The following GALNT17 variants were observed in gnomAD, a reference collection of about 807,000 sequenced individuals.
GALNT17 encodes polypeptide N-acetylgalactosaminyltransferase 17, also known as UDP-GalNAc:polypeptide N-acetylgalactosaminyltransferase-like 3.
In GALNT17, 29 loss-of-function variants were observed where a neutral mutation model predicts 63.7. The ratio of observed to expected loss-of-function variants is 0.46; its 90% CI spans 0.34 to 0.62. The LOEUF (loss-of-function observed/expected upper bound fraction) is 0.62, where lower values mean the gene tolerates loss of function less well. Ranked by LOEUF, GALNT17 falls within the 20% of genes least tolerant of loss-of-function variation. The pLI, the probability that GALNT17 is intolerant of heterozygous loss-of-function variation, is 0.01. For synonymous variants in GALNT17, 305 were observed against 318.3 expected (o/e 0.96, Z 0.45); for missense variants, 603 against 799.6 (o/e 0.75, Z 2.97).
intron 1 of GALNT17, among the ~76,000 whole-genome samples, chr7:71,326,106 C>T (rs940748376): frequency 1.3e-5 from 2 of 151,842 alleles, no homozygotes; most frequent in African/African-American, 2.4e-5. Context: ...AATTTTAGAA[C>T]GTTTTATTGT....
intron 5 of GALNT17, among the ~76,000 whole-genome samples, chr7:71,488,570 CCTT>C (rs1563130444): frequency 6.8e-6 from 1 of 146,088 alleles, no homozygotes; most frequent in Non-Finnish European, 1.5e-5. Context: ...CAGGACTTGC[CCTT>C]CTTTTTTTTT....
intron 1 of GALNT17, among the ~76,000 whole-genome samples, chr7:71,241,888 CA>C (rs1356049997): frequency 2.6e-5 from 4 of 151,148 alleles, no homozygotes; most frequent in African/African-American, 2.4e-5. Flanking sequence ...GACCTTATCC[CA>C]AAAAAAAGAA....
intron 7 of GALNT17, among the ~76,000 whole-genome samples, chr7:71,666,469 T>C (rs1052988111): frequency 3.3e-5 from 5 of 151,912 alleles, no homozygotes; most frequent in Non-Finnish European, 4.4e-5. Flanking sequence ...GTAAGTTCTT[T>C]AGTGGTGATT....
chr7:71,621,343 A>C (rs1790285815), intron 6 of GALNT17, among the ~76,000 whole-genome samples: 1 of 152,200 alleles, frequency 6.6e-6, no homozygotes, highest in Non-Finnish European at 1.5e-5. Flanking sequence ...GCTCTCTAAG[A>C]AGAGCATCTA....
intron 1 of GALNT17, among the ~76,000 whole-genome samples, chr7:71,325,274 G>A (rs902498850): frequency 6.6e-6 from 1 of 152,170 alleles, no homozygotes; most frequent in Non-Finnish European, 1.5e-5. Flanking sequence ...TCCCTGAGAC[G>A]CGGACCGGCA....
intron 2 of GALNT17, among the ~76,000 whole-genome samples, chr7:71,363,370 A>T (rs1792442314): frequency 6.6e-6 from 1 of 152,236 alleles, no homozygotes; most frequent in Non-Finnish European, 1.5e-5. Flanking sequence ...TACAGTGGTG[A>T]TTGAGAGGCA....
chr7:71,694,359 A>AT (rs34576267), intron 9 of GALNT17, among the ~76,000 whole-genome samples: 44,861 of 138,388 alleles, frequency 0.32, 7,950 homozygotes, highest in African/African-American at 0.37. Flanking sequence ...AATTATCCCA[A>AT]TTTTTTTTTT....
At chr7:71,227,517 A>G (rs905630387) in intron 1 of GALNT17, among the ~76,000 whole-genome samples, 8 of 151,968 alleles carry the variant, frequency 5.3e-5, no homozygotes, top group Non-Finnish European at 7.4e-5. Flanking sequence ...ATGGACACAC[A>G]ATTTGGATGC....
At chr7:71,140,975 T>C (rs1787877903) in intron 1 of GALNT17, among the ~76,000 whole-genome samples, 2 of 152,054 alleles carry the variant, frequency 1.3e-5, no homozygotes, top group Admixed American at 1.3e-4. Flanking sequence ...GAGCCATGAT[T>C]GCATCACTGC....
At chr7:71,686,111 C>T (rs1391296004) in intron 9 of GALNT17, among the ~76,000 whole-genome samples, 1 of 151,676 alleles carries the variant, frequency 6.6e-6, no homozygotes, top group African/African-American at 2.4e-5. Context: ...CCTGCCACCA[C>T]ACCTGGTTAA....
At position 71,233,372 on chromosome 7, in the gene GALNT17, C is replaced by T. The variant is rs1384758787; in HGVS notation, c.238+100332C>T. Among the ~76,000 whole-genome samples, 6 of 152,158 alleles carry T rather than the reference C, an allele frequency of 3.9e-5. No homozygotes were observed. The East Asian group carries it at 5.8e-4, about 15-fold the overall frequency. On this transcript the variant is annotated intron_variant, in intron 1 of 10. Coordinates refer to ENST00000333538, the MANE Select transcript of GALNT17 (RefSeq NM_022479.3). ...GGATGAGCGCATCCTCCATCAGCAT[C>T]GTGTCTTCTGTTCTGAAGGCTCCCA...
At chr7:71,266,083 G>T (rs1790487215) in intron 1 of GALNT17, among the ~76,000 whole-genome samples, 1 of 151,956 alleles carries the variant, frequency 6.6e-6, no homozygotes, top group Admixed American at 6.6e-5. Flanking sequence ...TGCATCTGTG[G>T]CTGCATCACT....
intron 9 of GALNT17, among the ~76,000 whole-genome samples, chr7:71,704,791 G>A (rs1283476279): frequency 6.6e-6 from 1 of 152,092 alleles, no homozygotes; most frequent in Non-Finnish European, 1.5e-5. Context: ...TTCAGCAATG[G>A]TGCCGGGACA....
intron 1 of GALNT17, among the ~76,000 whole-genome samples, chr7:71,257,137 C>A (rs1790303876): frequency 1.3e-5 from 2 of 152,096 alleles, no homozygotes; most frequent in South Asian, 4.1e-4. Flanking sequence ...GGTTTTAAAA[C>A]CTGGCATTTT....
chr7:71,261,958 G>A (rs953961385), intron 1 of GALNT17, among the ~76,000 whole-genome samples: 9 of 152,100 alleles, frequency 5.9e-5, no homozygotes, highest in African/African-American at 1.7e-4. Context: ...CCCTCTTCCC[G>A]GGAGCCGTGA....
In GALNT17 at chr7:71,632,851, C is replaced by A. The variant is rs528321913; in HGVS notation, c.1081-32560C>A. Among the ~76,000 whole-genome samples the A allele has an allele frequency of 4.2e-4, 64 of 152,128 alleles. 3 individuals carry two copies. In the South Asian group the frequency reaches 0.013, roughly 31 times the overall value. On this transcript the variant is annotated intron_variant, in intron 6 of 10. Transcript: ENST00000333538. ...AGGCATGGTGGTTCATGCCTGTAAT[C>A]CCAGCAATTTGGGAGGCTGAGGTGG...
At chr7:71,379,639 C>G (rs150008420) in intron 2 of GALNT17, among the ~76,000 whole-genome samples, 65 of 152,168 alleles carry the variant, frequency 4.3e-4, no homozygotes, top group African/African-American at 1.5e-3. Context: ...GTTGAGGGGT[C>G]ATGACTTGAA....
chr7:71,210,280 G>T (rs556454525), intron 1 of GALNT17, among the ~76,000 whole-genome samples: 1 of 152,222 alleles, frequency 6.6e-6, no homozygotes, highest in South Asian at 2.1e-4. Flanking sequence ...CAACACGTGG[G>T]AATTCTGGGA....
At chr7:71,666,725 T>C (rs929031829) in intron 7 of GALNT17, among the ~76,000 whole-genome samples, 4 of 152,240 alleles carry the variant, frequency 2.6e-5, no homozygotes, top group Admixed American at 2.6e-4. Context: ...ATTTATTTCT[T>C]TTTATGGCTG....
Sources: allele counts gnomAD v4.1 joint callset (sites outside exome capture counted in the v4.1 genomes callset), GRCh38; gene constraint gnomAD v4.1.1; transcripts MANE v1.5; gene names NCBI Gene and HGNC (gene_info 2026-07-23, HGNC 2026-07-21).